DST: variants seen among roughly 807,000 people sequenced by gnomAD.
The protein encoded by DST is bullous pemphigoid antigen.
A neutral mutation model predicts 875.2 loss-of-function variants in DST; 253 were observed. That is an observed-to-expected ratio of 0.29 (90% CI 0.26 to 0.32). DST has a LOEUF of 0.32. Among genes scored for constraint, DST ranks in the 10% least tolerant of loss-of-function variants. The pLI, the probability that DST is intolerant of heterozygous loss-of-function variation, is 1.00. For synonymous variants in DST, 3,124 were observed against 3,197.1 expected (o/e 0.98, Z 0.77); for missense variants, 8,287 against 9,111.6 (o/e 0.91, Z 3.68).
At chr6:56,808,749 A>C (rs1215728195) in intron 4 of DST, among the ~76,000 whole-genome samples, 1 of 152,338 alleles carries the variant, frequency 6.6e-6, no homozygotes, top group African/African-American at 2.4e-5. Context: ...TTCAATTGAG[A>C]GGTTAAAATA....
chr6:56,837,176 G>A (rs1021593497), intron 4 of DST, among the ~76,000 whole-genome samples: 3 of 152,080 alleles, frequency 2.0e-5, no homozygotes, highest in Non-Finnish European at 4.4e-5. Flanking sequence ...AATAGCTTTC[G>A]TTCCATTTAA....
intron 89 of DST, chr6:56,482,404 C>A: frequency 1.8e-6 from 1 of 552,124 alleles, no homozygotes; most frequent in South Asian, 4.9e-5. Flanking sequence ...ACCACTTTAA[C>A]AACTTGATTT....
At chr6:56,763,149 C>T (rs1264744284) in intron 4 of DST, among the ~76,000 whole-genome samples, 8 of 152,182 alleles carry the variant, frequency 5.3e-5, no homozygotes, top group Admixed American at 3.3e-4. Context: ...AGCACCCAGC[C>T]GAGAACATTA....
chr6:56,475,917 G>A lies in DST; in HGVS notation c.21864+232C>T, dbSNP rs74975287. Among the ~76,000 whole-genome samples, 2,460 of 152,232 alleles carry A rather than the reference G, an allele frequency of 0.016. 64 individuals carry two copies. The highest frequency in any genetic ancestry group is 0.055 in the African/African-American group (2,286 of 41,544). On this transcript the variant is annotated intron_variant, in intron 92 of 103. Coordinates refer to ENST00000680361, the MANE Select transcript of DST (RefSeq NM_001374736.1). ...AGGAGTGAACGTGAGACAATACCAC[G>A]AGTGTAACCCCACAGAGGACAAAGA...
At chr6:56,649,051 C>T (rs966554440) in intron 12 of DST, among the ~76,000 whole-genome samples, 2 of 152,162 alleles carry the variant, frequency 1.3e-5, no homozygotes, top group East Asian at 3.9e-4. Flanking sequence ...TAACAACTTG[C>T]ATAAGCCAAG....
At chr6:56,818,998 T>C (rs1456640425) in intron 4 of DST, among the ~76,000 whole-genome samples, 1 of 152,144 alleles carries the variant, frequency 6.6e-6, no homozygotes, top group Non-Finnish European at 1.5e-5. Flanking sequence ...ACCTTTACCC[T>C]TACTGACTTT....
chr6:56,609,391 T>C, intron 39 of DST, 47 bp from the exon 40 acceptor site: 2 of 1,391,378 alleles, frequency 1.4e-6, no homozygotes, highest in Non-Finnish European at 2.0e-6. Context: ...TACACAAGGG[T>C]GGGCGGAGTT....
At chr6:56,820,567 A>C (rs1380597031) in intron 4 of DST, among the ~76,000 whole-genome samples, 1 of 152,186 alleles carries the variant, frequency 6.6e-6, no homozygotes, top group African/African-American at 2.4e-5. Context: ...ATATTGTATG[A>C]TATAGATATG....
At chr6:56,928,616 A>G (rs933572939) in intron 2 of DST, among the ~76,000 whole-genome samples, 2 of 152,216 alleles carry the variant, frequency 1.3e-5, no homozygotes, top group Admixed American at 1.3e-4. Flanking sequence ...AATAAAATGC[A>G]AAAGTTGGAA....
chr6:56,874,669 A>C (rs937345865), intron 3 of DST, among the ~76,000 whole-genome samples: 1 of 152,216 alleles, frequency 6.6e-6, no homozygotes, highest in East Asian at 1.9e-4. Context: ...CAAATTCTGC[A>C]TTCTTTCCCA....
At chr6:56,762,534 A>G (rs1440226906) in intron 4 of DST, among the ~76,000 whole-genome samples, 1 of 152,222 alleles carries the variant, frequency 6.6e-6, no homozygotes, top group African/African-American at 2.4e-5. Context: ...TTATCTGTGC[A>G]CTTCTGCCTC....
Position 56,607,435 on chromosome 6 carries a change from A to G in DST, c.7193T>C (p.Ile2398Thr). 6.2e-7 allele frequency: 1 copy of G among 1,608,948 alleles called. No individual in the cohort carries two copies. Among genetic ancestry groups the G allele is most frequent in the Non-Finnish European group, 8.5e-7 (1 of 1,177,286 alleles). The change falls in exon 40 of 104, where the codon ATA becomes ACA. Residue 2398 changes from isoleucine (I) to threonine (T), a missense_variant. Transcript: ENST00000680361. ...TTTTGATTTCATAATAGGATTTTCT[A>G]TTAAATCACTTGGAAAGTTTTGAAT... ...KNIQNFPSDL[I>T]ENPIMKSKMS... is the part of the protein sequence containing the mutation.
At chr6:56,562,511 C>T (rs2097553255) in intron 55 of DST, among the ~76,000 whole-genome samples, 1 of 151,058 alleles carries the variant, frequency 6.6e-6, no homozygotes, top group Admixed American at 6.6e-5. Context: ...TTCCTTTATT[C>T]TAGGAAGAAT....
chr6:56,664,129 C>A (rs1226783085), intron 10 of DST, among the ~76,000 whole-genome samples: 1 of 152,104 alleles, frequency 6.6e-6, no homozygotes, highest in African/African-American at 2.4e-5. Flanking sequence ...TTCCATAGAG[C>A]CACCTCAGAT....
chr6:56,934,106 A>T (rs1380361181), intron 2 of DST, among the ~76,000 whole-genome samples: 1 of 152,114 alleles, frequency 6.6e-6, no homozygotes, highest in Non-Finnish European at 1.5e-5. Context: ...GCTTCTAAAA[A>T]TCTTCCCATC....
chr6:56,526,706 G>C, intron 68 of DST, 139 bp from the exon 69 acceptor site: 1 of 693,346 alleles, frequency 1.4e-6, no homozygotes, highest in South Asian at 2.8e-5. Context: ...TTTCAGTCGA[G>C]TTAAATAAAC....
At chr6:56,872,880 C>T (rs1269282873) in intron 3 of DST, among the ~76,000 whole-genome samples, 1 of 124,092 alleles carries the variant, frequency 8.1e-6, no homozygotes, top group East Asian at 2.8e-4. Flanking sequence ...CTACTATATG[C>T]TAGATCATAT....
At chr6:56,613,717 G>C (rs2152724865) in intron 37 of DST, among the ~76,000 whole-genome samples, 1 of 152,246 alleles carries the variant, frequency 6.6e-6, no homozygotes, top group South Asian at 2.1e-4. Flanking sequence ...AGCTTTAAGT[G>C]GTGCAGTCCA....
At position 56,489,478 on chromosome 6, in the gene DST, T is replaced by A. The variant is rs750472113; in HGVS notation, c.20877+12A>T. The A allele has an allele frequency of 1.2e-6, 2 of 1,608,182 alleles. No individual in the cohort carries two copies. The highest frequency in any genetic ancestry group is 2.2e-5 in the South Asian group (2 of 89,726). ...TAATGAGACAATATGCTCTTCTTAA[T>A]TATGGACCCACCTTATGTTGTGCAA... is the stretch of plus-strand genomic sequence containing the variant. On this transcript the variant is annotated intron_variant, in intron 86 of 103. Transcript: ENST00000680361.
Sources: gnomAD v4.1 joint callset for allele counts (sites outside exome capture counted in the v4.1 genomes callset) on GRCh38, gnomAD v4.1.1 for gene constraint, MANE v1.5 for transcripts, NCBI Gene and HGNC (gene_info 2026-07-23, HGNC 2026-07-21) for gene names.